IQCH: variants seen among roughly 807,000 people sequenced by gnomAD.
IQCH encodes IQ domain-containing protein H.
In IQCH, 98 loss-of-function variants were observed where a neutral mutation model predicts 117.0. That is an observed-to-expected ratio of 0.84 (90% CI 0.71 to 0.99). The LOEUF (loss-of-function observed/expected upper bound fraction) is 0.99, where lower values mean the gene tolerates loss of function less well. Among genes scored for constraint, IQCH ranks in the 50% least tolerant of loss-of-function variants. The pLI, the probability that IQCH is intolerant of heterozygous loss-of-function variation, is 0.00. For missense variants in IQCH, 1,102 were observed against 1,243.8 expected (o/e 0.89, Z 1.72); for synonymous variants, 412 against 448.2 (o/e 0.92, Z 1.02).
At chr15:67,363,657 C>T (rs1363314577) in intron 8 of IQCH, among the ~76,000 whole-genome samples, 1 of 152,110 alleles carries the variant, frequency 6.6e-6, no homozygotes, top group Non-Finnish European at 1.5e-5. Flanking sequence ...TTTCATCACC[C>T]AGGTAATAAG....
chr15:67,361,556 ATAATT>A (rs1000497219), intron 8 of IQCH, among the ~76,000 whole-genome samples: 10 of 152,316 alleles, frequency 6.6e-5, no homozygotes, highest in Admixed American at 3.3e-4. Context: ...CCTAACTAAT[ATAATT>A]TAATCTTTTC....
At chr15:67,314,481 A>C (rs1967751327) in intron 4 of IQCH, among the ~76,000 whole-genome samples, 1 of 53,482 alleles carries the variant, frequency 1.9e-5, no homozygotes, top group Non-Finnish European at 4.0e-5. Context: ...CTTTGTGCTA[A>C]ATGAAAAAAA....
At chr15:67,262,879 TA>T (rs146220769) in intron 2 of IQCH, among the ~76,000 whole-genome samples, 8 of 145,730 alleles carry the variant, frequency 5.5e-5, no homozygotes, top group Admixed American at 6.9e-5. Flanking sequence ...AAGACCCTAC[TA>T]AAAAAAAAAC....
At chr15:67,371,969 G>T in intron 8 of IQCH, 142 bp from the exon 9 acceptor site, 3 of 697,364 alleles carry the variant, frequency 4.3e-6, no homozygotes, top group Non-Finnish European at 7.0e-6. Flanking sequence ...TTCGTATTAT[G>T]ACGTGTGTGT....
intron 4 of IQCH, among the ~76,000 whole-genome samples, chr15:67,280,524 CAG>C (rs959363638): frequency 1.3e-5 from 2 of 152,146 alleles, no homozygotes; most frequent in African/African-American, 4.8e-5. Context: ...CTTCACATGG[CAG>C]AGAGAGACAG....
At chr15:67,297,123 G>C (rs960094906) in intron 4 of IQCH, among the ~76,000 whole-genome samples, 1 of 152,144 alleles carries the variant, frequency 6.6e-6, no homozygotes, top group African/African-American at 2.4e-5. Flanking sequence ...GATTGTGGAG[G>C]GCTTCTACTT....
At chr15:67,261,492 A>C in intron 2 of IQCH, 98 bp downstream of exon 2, 3 of 1,048,248 alleles carry the variant, frequency 2.9e-6, no homozygotes, top group Non-Finnish European at 4.1e-6. Flanking sequence ...TAATTCTGTA[A>C]CAAAGCTGAA....
intron 4 of IQCH, among the ~76,000 whole-genome samples, chr15:67,316,543 A>G (rs1196766119): frequency 6.6e-6 from 1 of 152,070 alleles, no homozygotes; most frequent in East Asian, 1.9e-4. Flanking sequence ...CTGGACTTTA[A>G]TAGAAGGGAA....
intron 3 of IQCH, among the ~76,000 whole-genome samples, chr15:67,276,143 G>T (rs1345465630): frequency 6.6e-6 from 1 of 152,030 alleles, no homozygotes; most frequent in Non-Finnish European, 1.5e-5. Flanking sequence ...ATATGCTGAG[G>T]GGGAGAAAAG....
chr15:67,313,042 G>A (rs937471297), intron 4 of IQCH, among the ~76,000 whole-genome samples: 1 of 152,118 alleles, frequency 6.6e-6, no homozygotes, highest in Non-Finnish European at 1.5e-5. Flanking sequence ...AATGTGTAAA[G>A]TAAACCCAGA....
At chr15:67,452,928 T>C (rs543727081) in intron 16 of IQCH, among the ~76,000 whole-genome samples, 1 of 152,322 alleles carries the variant, frequency 6.6e-6, no homozygotes, top group East Asian at 1.9e-4. Context: ...TCATTTCTTT[T>C]TATTCTTTTT....
chr15:67,348,881 A>G (rs1969525323), intron 6 of IQCH, among the ~76,000 whole-genome samples: 1 of 152,244 alleles, frequency 6.6e-6, no homozygotes, highest in South Asian at 2.1e-4. Context: ...AGTAATCAGG[A>G]CCGTGTGGTA....
At chr15:67,375,295 C>T (rs560472821) in intron 10 of IQCH, among the ~76,000 whole-genome samples, 22 of 152,088 alleles carry the variant, frequency 1.4e-4, no homozygotes, top group South Asian at 1.0e-3. Flanking sequence ...GGCATGGTGG[C>T]GCAGGCCTGT....
At chr15:67,310,792 T>C (rs191535322) in intron 4 of IQCH, among the ~76,000 whole-genome samples, 3 of 152,290 alleles carry the variant, frequency 2.0e-5, no homozygotes, top group Middle Eastern at 3.4e-3. Flanking sequence ...CAATGAAGCA[T>C]AATGTCAAAA....
intron 4 of IQCH, among the ~76,000 whole-genome samples, chr15:67,314,022 C>T (rs1053759748): frequency 1.3e-5 from 2 of 152,128 alleles, no homozygotes; most frequent in African/African-American, 4.8e-5. Flanking sequence ...AACTCTCTGT[C>T]CCTTTCATAT....
chr15:67,344,459 A>T (rs1327005316), intron 6 of IQCH, among the ~76,000 whole-genome samples: 1 of 152,030 alleles, frequency 6.6e-6, no homozygotes, highest in African/African-American at 2.4e-5. Context: ...TCATTTGTAC[A>T]TTTTTTGTGA....
At chr15:67,273,737 TTATG>T (rs1016227803) in intron 3 of IQCH, among the ~76,000 whole-genome samples, 1 of 152,232 alleles carries the variant, frequency 6.6e-6, no homozygotes, top group Non-Finnish European at 1.5e-5. Context: ...CTGAGGTTGT[TTATG>T]TACTTAATTT....
intron 4 of IQCH, among the ~76,000 whole-genome samples, chr15:67,310,505 A>T (rs1160894863): frequency 1.3e-5 from 2 of 152,174 alleles, no homozygotes; most frequent in African/African-American, 2.4e-5. Context: ...CCTCGTAATC[A>T]TTCAAGAAAC....
intron 3 of IQCH, among the ~76,000 whole-genome samples, chr15:67,276,133 A>G (rs896913048): frequency 4.0e-4 from 61 of 152,326 alleles, no homozygotes; most frequent in African/African-American, 1.4e-3. Context: ...TTTCTCAAGC[A>G]TATGCTGAGG....
Sources: allele counts gnomAD v4.1 joint callset (sites outside exome capture counted in the v4.1 genomes callset), GRCh38; gene constraint gnomAD v4.1.1; transcripts MANE v1.5; gene names NCBI Gene and HGNC (gene_info 2026-07-23, HGNC 2026-07-21).